Variants in SBSPON observed in about 807,000 individuals in gnomAD.
The protein encoded by SBSPON is somatomedin B and thrombospondin type 1 domain containing.
Under a neutral mutation model 35.8 loss-of-function variants are expected in SBSPON, and 30 were observed. The ratio of observed to expected loss-of-function variants is 0.84; its 90% CI spans 0.63 to 1.14. The LOEUF (loss-of-function observed/expected upper bound fraction) is 1.14, where lower values mean the gene tolerates loss of function less well. SBSPON is among the 50% of genes most tolerant of loss of function. SBSPON has a pLI of 0.00. For synonymous variants in SBSPON, 136 were observed against 135.9 expected, an observed-to-expected ratio of 1.00 and a Z score of 0.00; for missense variants, 364 against 357.7, an observed-to-expected ratio of 1.02 and a Z score of -0.14.
At chr8:73,086,425 G>C (rs10103341) in intron 1 of SBSPON, among the ~76,000 whole-genome samples, 45,560 of 151,946 alleles carry the variant, frequency 0.3, 7,544 homozygotes, top group African/African-American at 0.42. Flanking sequence ...GCCTCCCGAA[G>C]TGCTGGGATT....
Position 73,092,975 on chromosome 8 carries a change from G to C in SBSPON, c.93C>G (p.Gly31=). 1 of 1,586,154 alleles carries C rather than the reference G, an allele frequency of 6.3e-7. No individual in the cohort carries two copies. The highest frequency in any genetic ancestry group is 8.6e-7 in the Non-Finnish European group (1 of 1,168,892). ...CGCGGGCGAAGCAGGCGGGGTCCCG[G>C]CCGGGACAGCAGCGCCCGGCCTCGG... is the stretch of plus-strand genomic sequence containing the variant. ...GCAEAGRCCP[G]RDPACFARGW... Residue 31 remains glycine, a synonymous_variant, in exon 1 of 5, where the codon GGC becomes GGG. Transcript: ENST00000297354.
At chr8:73,080,046 C>T (rs78156929) in intron 2 of SBSPON, among the ~76,000 whole-genome samples, 1,803 of 152,250 alleles carry the variant, frequency 0.012, 39 homozygotes, top group African/African-American at 0.041. Flanking sequence ...CAATGCAGAT[C>T]AACACATCAG....
At chr8:73,090,857 G>A (rs559403756) in intron 1 of SBSPON, among the ~76,000 whole-genome samples, 16 of 152,256 alleles carry the variant, frequency 1.1e-4, no homozygotes, top group African/African-American at 2.2e-4. Flanking sequence ...CCATGTCACC[G>A]CTTCCATACT....
rs114973319 is a variant in SBSPON at position 73,075,454 on chromosome 8, G to A, written c.410-3584C>T. Among the ~76,000 whole-genome samples the A allele has an allele frequency of 3.8e-3, 576 of 152,278 alleles. 5 individuals are homozygous for A. Among genetic ancestry groups the A allele is most frequent in the African/African-American group, 0.013 (541 of 41,556 alleles). On this transcript the variant is annotated intron_variant, in intron 2 of 4. Transcript: ENST00000297354. ...TCCCGCCACACTTCTGCTAATGTGCGGAAGCACGTAACCCAGCATCCCTGG... is the reference window on the plus strand; with the variant it reads ...TCCCGCCACACTTCTGCTAATGTGCAGAAGCACGTAACCCAGCATCCCTGG...
chr8:73,088,594 G>A (rs1055598967), intron 1 of SBSPON, among the ~76,000 whole-genome samples: 1 of 152,028 alleles, frequency 6.6e-6, no homozygotes, highest in Non-Finnish European at 1.5e-5. Context: ...AGATGGACTT[G>A]AACCTGTGAA....
At chr8:73,069,780 T>C in intron 4 of SBSPON, 25 bp downstream of exon 4, 1 of 1,594,710 alleles carries the variant, frequency 6.3e-7, no homozygotes, top group Middle Eastern at 1.7e-4. Context: ...ACAAGAAAAG[T>C]ACTTCAGTTA....
intron 1 of SBSPON, among the ~76,000 whole-genome samples, chr8:73,082,534 T>C: frequency 6.6e-6 from 1 of 152,192 alleles, no homozygotes. Flanking sequence ...AATTTTAAAA[T>C]TTCCATACTA....
chr8:73,085,444 T>A (rs1368725610), intron 1 of SBSPON: 1 of 146,938 alleles, frequency 6.8e-6, no homozygotes, highest in Admixed American at 6.9e-5. Context: ...AAAAAAAAAA[T>A]CCATGCTTAC....
intron 2 of SBSPON, among the ~76,000 whole-genome samples, chr8:73,078,119 C>A (rs1810627670): frequency 6.6e-6 from 1 of 152,138 alleles, no homozygotes; most frequent in Admixed American, 6.5e-5. Flanking sequence ...ATCCGAAGCC[C>A]CTGGAAGCCT....
intron 1 of SBSPON, among the ~76,000 whole-genome samples, chr8:73,087,808 C>T (rs1201397673): frequency 1.3e-5 from 2 of 152,168 alleles, no homozygotes; most frequent in African/African-American, 4.8e-5. Context: ...CCTTAAGCTG[C>T]CAATCAATGA....
At position 73,065,558 on chromosome 8, in the gene SBSPON, G is replaced by A. The variant is rs1021313712; in HGVS notation, c.*1783C>T. ...TGGGAGGCCGAGGTGGGTGGATCAC[G>A]AGGTCAGGAGATCGAGACCACCCTG... On this transcript the variant is annotated 3_prime_UTR_variant, in exon 5 of 5. Transcript: ENST00000297354. 3 of 151,968 alleles carry A rather than the reference G, an allele frequency of 2.0e-5. No homozygotes were observed. Among genetic ancestry groups the A allele is most frequent in the East Asian group, 1.9e-4 (1 of 5,170 alleles). The allele number at this position is 151,968 out of a possible 1,614,324, so 9.4% of individuals were successfully genotyped here.
intron 4 of SBSPON, among the ~76,000 whole-genome samples, chr8:73,068,504 G>A (rs949736017): frequency 1.3e-5 from 2 of 152,106 alleles, no homozygotes; most frequent in East Asian, 3.9e-4. Flanking sequence ...ATTAGTCTTT[G>A]CCCAATAGTT....
intron 3 of SBSPON, 26 bp downstream of exon 3, chr8:73,071,754 A>T (rs767754164): frequency 2.1e-4 from 32 of 150,738 alleles, no homozygotes; most frequent in African/African-American, 2.0e-3. Context: ...AAACATGATT[A>T]AAAAAAAAAA....
At chr8:73,067,740 A>G (rs1158869265) in intron 4 of SBSPON, among the ~76,000 whole-genome samples, 1 of 18,724 alleles carries the variant, frequency 5.3e-5, no homozygotes, top group African/African-American at 1.9e-4. Context: ...ATGGAGTTTA[A>G]CTGTGTTGCC....
At chr8:73,090,843 C>G (rs941105361) in intron 1 of SBSPON, among the ~76,000 whole-genome samples, 1 of 152,322 alleles carries the variant, frequency 6.6e-6, no homozygotes, top group Middle Eastern at 3.4e-3. Flanking sequence ...CACAAGACAG[C>G]AGGCCATGTC....
intron 1 of SBSPON, chr8:73,085,844 A>G (rs1810813768): frequency 1.3e-5 from 2 of 152,150 alleles, no homozygotes; most frequent in Admixed American, 1.3e-4. Flanking sequence ...TCTTGTTTTC[A>G]TGTAGCAGTG....
intron 1 of SBSPON, among the ~76,000 whole-genome samples, chr8:73,086,761 G>T (rs1008639442): frequency 1.3e-5 from 2 of 152,178 alleles, no homozygotes; most frequent in Admixed American, 6.5e-5. Flanking sequence ...GAGAAAAAAA[G>T]ATATGAATAA....
chr8:73,093,142 C>A lies in SBSPON; in HGVS notation c.-75G>T. On this transcript the variant is annotated 5_prime_UTR_variant, in exon 1 of 5. Transcript: ENST00000297354. ...GCTCTGATCCTCGGCTGGCCGCGGCCCGGGAGCTGCCCGAGCGGCCGGCGA... is the reference window on the plus strand; with the variant it reads ...GCTCTGATCCTCGGCTGGCCGCGGCACGGGAGCTGCCCGAGCGGCCGGCGA... 1 of 782,426 alleles carries A rather than the reference C, an allele frequency of 1.3e-6. No homozygotes were observed. The highest frequency in any genetic ancestry group is 5.9e-5 in the South Asian group (1 of 17,042). 48.5% of individuals were successfully genotyped at this position (782,426 alleles called of 1,614,324 possible).
chr8:73,065,921 A>T lies in SBSPON; in HGVS notation c.*1420T>A, dbSNP rs1163625473. ...CTTGATGAGACTCACATATTTTATT[A>T]TTAATTTCTGAAGAATTTAATTTTC... is the stretch of plus-strand genomic sequence containing the variant. On this transcript the variant is annotated 3_prime_UTR_variant, in exon 5 of 5. Transcript: ENST00000297354. 6.6e-6 allele frequency: 1 copy of T among 152,188 alleles called. No homozygotes were observed. The highest frequency in any genetic ancestry group is 1.5e-5 in the Non-Finnish European group (1 of 68,032). 9.4% of individuals were successfully genotyped at this position (152,188 alleles called of 1,614,324 possible).
Sources: gnomAD v4.1 joint callset for allele counts (sites outside exome capture counted in the v4.1 genomes callset) on GRCh38, gnomAD v4.1.1 for gene constraint, MANE v1.5 for transcripts, NCBI Gene and HGNC (gene_info 2026-07-23, HGNC 2026-07-21) for gene names.